STX8: variants seen among roughly 807,000 people sequenced by gnomAD.
The protein encoded by STX8 is syntaxin-8.
In STX8, 23 loss-of-function variants were observed where a neutral mutation model predicts 37.5. That is an observed-to-expected ratio of 0.61 (90% CI 0.44 to 0.87). The LOEUF (loss-of-function observed/expected upper bound fraction) is 0.87. STX8 is among the 40% of genes least tolerant of loss of function. The probability of loss-of-function intolerance (pLI) is 0.00; values close to 1 mark genes in which losing one functional copy is unlikely to be tolerated. For synonymous variants in STX8, 115 were observed against 99.1 expected, an observed-to-expected ratio of 1.16 and a Z score of -0.95; for missense variants, 313 against 284.7, an observed-to-expected ratio of 1.10 and a Z score of -0.71.
chr17:9,408,142 T>A (rs1912859707), intron 6 of STX8, among the ~76,000 whole-genome samples: 1 of 152,208 alleles, frequency 6.6e-6, no homozygotes, highest in South Asian at 2.1e-4. Context: ...AATTTATGAT[T>A]TATGGGGCAT....
intron 7 of STX8, among the ~76,000 whole-genome samples, chr17:9,365,798 C>T (rs1160563934): frequency 1.3e-5 from 2 of 152,162 alleles, no homozygotes; most frequent in South Asian, 4.1e-4. Flanking sequence ...AGGGTGAAAC[C>T]CTGTCTCTAT....
At chr17:9,349,616 C>T (rs760575073) in intron 7 of STX8, among the ~76,000 whole-genome samples, 3 of 151,990 alleles carry the variant, frequency 2.0e-5, no homozygotes, top group Non-Finnish European at 4.4e-5. Flanking sequence ...GCCACCACGC[C>T]GGGCTGATAA....
At chr17:9,508,053 A>G (rs1904901894) in intron 4 of STX8, among the ~76,000 whole-genome samples, 1 of 152,232 alleles carries the variant, frequency 6.6e-6, no homozygotes, top group Admixed American at 6.5e-5. Context: ...AAAGGAATAC[A>G]ATAATTCCTG....
At chr17:9,568,260 G>T in intron 2 of STX8, 111 bp downstream of exon 2, 1 of 732,668 alleles carries the variant, frequency 1.4e-6, no homozygotes, top group Non-Finnish European at 2.2e-6. Context: ...TATGTAAGCA[G>T]ATAGATCATC....
intron 7 of STX8, among the ~76,000 whole-genome samples, chr17:9,254,449 G>A (rs1469890464): frequency 2.6e-5 from 4 of 151,714 alleles, no homozygotes; most frequent in Non-Finnish European, 5.9e-5. Context: ...AGGCTAGAGT[G>A]CGGTGACGTG....
rs369617631 is a variant in STX8, at chr17:9,316,505, C to G, written c.643+62047G>C. Among the ~76,000 whole-genome samples, 269 of 152,226 alleles carry G rather than the reference C, an allele frequency of 1.8e-3. 3 individuals carry two copies. Among genetic ancestry groups the G allele is most frequent in the African/African-American group, 5.7e-3 (236 of 41,526 alleles). On this transcript the variant is annotated intron_variant, in intron 7 of 7. Coordinates refer to ENST00000306357, the MANE Select transcript of STX8 (RefSeq NM_004853.3). ...ATGTAATGAAGCCTCCACAAAAACC[C>G]AAAAGTACAGGGTTTGGACAGCTTC...
chr17:9,395,524 G>A (rs1912369758), intron 6 of STX8, among the ~76,000 whole-genome samples: 1 of 152,142 alleles, frequency 6.6e-6, no homozygotes, highest in African/African-American at 2.4e-5. Flanking sequence ...GTTGCAGTGA[G>A]CCCAGATCGC....
chr17:9,380,826 G>A lies in STX8; in HGVS notation c.542-2173C>T, dbSNP rs76086227. ...CCTCTCAAGTTCAAGCGATTCTTCC[G>A]CATCAGCCTTCCAAGTAAGTGGGAT... On this transcript the variant is annotated intron_variant, in intron 6 of 7. Transcript: ENST00000306357. Among the ~76,000 whole-genome samples, 68 of 146,390 alleles carry A rather than the reference G, an allele frequency of 4.6e-4. No homozygotes were observed. In the East Asian group the frequency reaches 5.0e-3, roughly 11 times the overall value.
intron 6 of STX8, among the ~76,000 whole-genome samples, chr17:9,472,354 T>G (rs909472046): frequency 1.3e-5 from 2 of 151,774 alleles, no homozygotes; most frequent in Non-Finnish European, 2.9e-5. Context: ...CACTTGGGGG[T>G]TTTAAGTACA....
At chr17:9,303,337 C>T (rs1215504895) in intron 7 of STX8, among the ~76,000 whole-genome samples, 1 of 152,146 alleles carries the variant, frequency 6.6e-6, no homozygotes, top group African/African-American at 2.4e-5. Flanking sequence ...CTCCCTCCAA[C>T]CTAGACTGCT....
chr17:9,274,678 A>AATAAT (rs1907597872), intron 7 of STX8, among the ~76,000 whole-genome samples: 1 of 106,702 alleles, frequency 9.4e-6, no homozygotes, highest in Non-Finnish European at 1.9e-5. Context: ...TCTGTCTCAA[A>AATAAT]AATAATAATA....
rs1567762357 is a variant in STX8, at chr17:9,271,747, T to TG, written c.644-21103_644-21102insC. On this transcript the variant is annotated intron_variant, in intron 7 of 7. Coordinates refer to ENST00000306357, the MANE Select transcript of STX8 (RefSeq NM_004853.3). ...CCTGGCTATAGAGCAAGACTCCATC[T>TG]CAAAAAAAAAAAAAAAAAAAAGAAA... Among the ~76,000 whole-genome samples, 3 of 90,460 alleles carry TG rather than the reference T, an allele frequency of 3.3e-5. No homozygotes were observed. In the South Asian group the frequency reaches 1.0e-3, roughly 32 times the overall value. 59.3% of individuals were successfully genotyped at this position (90,460 alleles called of 152,430 possible).
intron 4 of STX8, among the ~76,000 whole-genome samples, chr17:9,528,599 C>T (rs1219888609): frequency 6.6e-6 from 1 of 152,092 alleles, no homozygotes; most frequent in East Asian, 1.9e-4. Context: ...TGAGCCACTG[C>T]GCCTGGCTTT....
At chr17:9,343,033 A>G (rs4994411) in intron 7 of STX8, among the ~76,000 whole-genome samples, 66,839 of 146,922 alleles carry the variant, frequency 0.45, 16,237 homozygotes, top group East Asian at 0.65. Flanking sequence ...AAAAAAAAAA[A>G]AAAAAAAAAA....
chr17:9,343,033 A>AAG (rs1555598855), intron 7 of STX8, among the ~76,000 whole-genome samples: 31 of 146,990 alleles, frequency 2.1e-4, no homozygotes, highest in African/African-American at 5.9e-4. Context: ...AAAAAAAAAA[A>AAG]AAAAAAAAAA....
At chr17:9,303,148 G>A (rs1360993217) in intron 7 of STX8, among the ~76,000 whole-genome samples, 1 of 152,072 alleles carries the variant, frequency 6.6e-6, no homozygotes, top group African/African-American at 2.4e-5. Flanking sequence ...AAAATTAGCT[G>A]GGCGTGGTGG....
intron 7 of STX8, among the ~76,000 whole-genome samples, chr17:9,268,641 T>A (rs1331014358): frequency 6.6e-6 from 1 of 152,132 alleles, no homozygotes; most frequent in African/African-American, 2.4e-5. Flanking sequence ...AGGCTGCCAT[T>A]TTCGGAGTTG....
chr17:9,533,503 A>C (rs1260658765), intron 4 of STX8, among the ~76,000 whole-genome samples: 1 of 152,150 alleles, frequency 6.6e-6, no homozygotes, highest in Non-Finnish European at 1.5e-5. Flanking sequence ...GCACTTCAAA[A>C]GTACTTCTCC....
At chr17:9,290,433 C>T (rs1350232345) in intron 7 of STX8, among the ~76,000 whole-genome samples, 1 of 152,194 alleles carries the variant, frequency 6.6e-6, no homozygotes, top group African/African-American at 2.4e-5. Context: ...ACATTCATTA[C>T]ACTCTCCTCT....
Sources: gnomAD v4.1 joint callset for allele counts (sites outside exome capture counted in the v4.1 genomes callset) on GRCh38, gnomAD v4.1.1 for gene constraint, MANE v1.5 for transcripts, NCBI Gene and HGNC (gene_info 2026-07-23, HGNC 2026-07-21) for gene names.